Variants in CCDC7 observed in about 807,000 individuals in gnomAD.
CCDC7 encodes coiled-coil domain-containing protein 7.
In CCDC7, 183 loss-of-function variants were observed where a neutral mutation model predicts 196.9. The observed-to-expected ratio is 0.93, with a 90% CI of 0.82 to 1.05. The LOEUF (loss-of-function observed/expected upper bound fraction) is 1.05, where lower values mean the gene tolerates loss of function less well. Ranked by LOEUF, CCDC7 falls within the 50% of genes least tolerant of loss-of-function variation. CCDC7 has a pLI of 0.00. For synonymous variants in CCDC7, 525 were observed against 484.6 expected, an observed-to-expected ratio of 1.08 and a Z score of -1.10; for missense variants, 1,540 against 1,482.2, an observed-to-expected ratio of 1.04 and a Z score of -0.64.
rs373054068 is a variant in CCDC7, at chr10:32,763,224, G to T, written c.2906-15753G>T. Among the ~76,000 whole-genome samples the T allele has an allele frequency of 2.0e-5, 3 of 151,704 alleles. No individual in the cohort carries two copies. The East Asian group carries it at 5.8e-4, about 29-fold the overall frequency. On this transcript the variant is annotated intron_variant, in intron 28 of 41. Coordinates refer to ENST00000639629, the Ensembl canonical transcript of CCDC7. ...CAAAGAACCTAAATAGACATTTTTT[G>T]AAATGAAACATACAAATGGTCAACA...
chr10:32,809,588 A>C (rs1401357783), intron 30 of CCDC7, among the ~76,000 whole-genome samples: 1 of 152,236 alleles, frequency 6.6e-6, no homozygotes, highest in African/African-American at 2.4e-5. Context: ...GACACTTTTT[A>C]AAAGAAGACA....
At chr10:32,842,264 C>T (rs770091249) in intron 33 of CCDC7, among the ~76,000 whole-genome samples, 13 of 151,494 alleles carry the variant, frequency 8.6e-5, no homozygotes, top group Admixed American at 2.0e-4. Context: ...AAAAAAATCC[C>T]ATCAAAAAGT....
intron 9 of CCDC7, among the ~76,000 whole-genome samples, chr10:32,505,730 G>A (rs368831804): frequency 2.6e-5 from 4 of 152,248 alleles, no homozygotes; most frequent in Non-Finnish European, 5.9e-5. Context: ...CAGATGGGGC[G>A]GCTGGGCAGA....
intron 29 of CCDC7, 85 bp from the exon 31 acceptor site, chr10:32,804,930 T>TACAC (rs35054696): frequency 4.3e-5 from 27 of 631,110 alleles, no homozygotes; most frequent in South Asian, 4.1e-4. Flanking sequence ...ATTAATTTAA[T>TACAC]ACACACACAC....
chr10:32,540,268 A>G (rs573425156), intron 11 of CCDC7, among the ~76,000 whole-genome samples: 1 of 152,330 alleles, frequency 6.6e-6, no homozygotes, highest in South Asian at 2.1e-4. Flanking sequence ...CTTTACCAAT[A>G]TGTACTGCCC....
chr10:32,749,509 C>T (rs750954800), intron 28 of CCDC7, among the ~76,000 whole-genome samples: 13 of 152,048 alleles, frequency 8.5e-5, no homozygotes, highest in South Asian at 2.1e-4. Flanking sequence ...CAGATTTTCA[C>T]GTATACACTG....
chr10:32,751,865 C>G (rs770086363), intron 28 of CCDC7, among the ~76,000 whole-genome samples: 1 of 152,084 alleles, frequency 6.6e-6, no homozygotes, highest in Non-Finnish European at 1.5e-5. Context: ...AGATATTCTT[C>G]AAGTTTATGA....
At chr10:32,879,772 TCAGC>T (rs1178410623), downstream of CCDC7, among the ~76,000 whole-genome samples, 4 of 146,932 alleles carry the variant, frequency 2.7e-5, no homozygotes, top group Admixed American at 2.1e-4. Flanking sequence ...TTCTCATTGT[TCAGC>T]TCTCACTTAT....
rs11009015 is a variant in CCDC7 at position 32,644,925 on chromosome 10, G to C, written c.2014+9767G>C. Among the ~76,000 whole-genome samples the C allele has an allele frequency of 5.8e-3, 880 of 152,274 alleles. 15 individuals carry two copies. Among genetic ancestry groups the C allele is most frequent in the African/African-American group, 0.02 (848 of 41,538 alleles). ...ATACAACTGGATAGTATTCATTGCA[G>C]AACCATGAGCCAATTAAACCTCTTT... On this transcript the variant is annotated intron_variant, in intron 20 of 41. Coordinates refer to ENST00000639629, the Ensembl canonical transcript of CCDC7.
intron 24 of CCDC7, among the ~76,000 whole-genome samples, chr10:32,698,941 G>C (rs1302430459): frequency 1.3e-5 from 2 of 152,180 alleles, no homozygotes; most frequent in South Asian, 2.1e-4. Flanking sequence ...AAAATGTTAA[G>C]GGCAGCTGGA....
intron 29 of CCDC7, among the ~76,000 whole-genome samples, chr10:32,800,876 G>T (rs1446110120): frequency 6.6e-6 from 1 of 152,168 alleles, no homozygotes; most frequent in South Asian, 2.1e-4. Context: ...TATAAATTAA[G>T]TAAAAATGCA....
intron 20 of CCDC7, among the ~76,000 whole-genome samples, chr10:32,644,398 C>G (rs908594711): frequency 6.6e-6 from 1 of 152,168 alleles, no homozygotes; most frequent in African/African-American, 2.4e-5. Context: ...TCTACTATTT[C>G]CATAAAATCA....
At chr10:32,878,802 G>C (rs925148320), downstream of CCDC7, among the ~76,000 whole-genome samples, 1 of 152,112 alleles carries the variant, frequency 6.6e-6, no homozygotes, top group South Asian at 2.1e-4. Context: ...CTAGTCTTTT[G>C]AATGTGTTTT....
At chr10:32,749,495 A>G (rs969743558) in intron 28 of CCDC7, among the ~76,000 whole-genome samples, 7 of 152,200 alleles carry the variant, frequency 4.6e-5, no homozygotes, top group African/African-American at 1.7e-4. Flanking sequence ...TATCTATGAA[A>G]TAGCAGATTT....
chr10:32,638,908 G>T (rs1039536969), intron 20 of CCDC7, among the ~76,000 whole-genome samples: 2 of 152,074 alleles, frequency 1.3e-5, no homozygotes, highest in African/African-American at 2.4e-5. Context: ...CTATTTCAGA[G>T]CCTGTTATTG....
At chr10:32,765,591 T>C (rs2078157756) in intron 28 of CCDC7, among the ~76,000 whole-genome samples, 1 of 152,074 alleles carries the variant, frequency 6.6e-6, no homozygotes, top group Non-Finnish European at 1.5e-5. Context: ...AGGAAAATTT[T>C]AAACCAAAAG....
intron 8 of CCDC7, among the ~76,000 whole-genome samples, chr10:32,487,201 C>T (rs2041289931): frequency 1.3e-5 from 2 of 152,098 alleles, no homozygotes; most frequent in Admixed American, 1.3e-4. Flanking sequence ...ATTCTTTTTT[C>T]TCTAAACTTC....
intron 13 of CCDC7, among the ~76,000 whole-genome samples, chr10:32,560,381 A>G (rs1445790022): frequency 2.6e-5 from 4 of 152,098 alleles, no homozygotes; most frequent in Admixed American, 2.0e-4. Context: ...CAGATTCACC[A>G]AAGTTGAAAT....
intron 31 of CCDC7, among the ~76,000 whole-genome samples, chr10:32,816,770 A>C (rs562267849): frequency 6.6e-6 from 1 of 152,328 alleles, no homozygotes; most frequent in East Asian, 1.9e-4. Flanking sequence ...CCTGCAGCTG[A>C]GGGTCCTGAC....
Sources: gnomAD v4.1 joint callset for allele counts (sites outside exome capture counted in the v4.1 genomes callset) on GRCh38, gnomAD v4.1.1 for gene constraint, MANE v1.5 for transcripts, NCBI Gene and HGNC (gene_info 2026-07-23, HGNC 2026-07-21) for gene names.